Variants in ARMC3 observed in about 807,000 individuals in gnomAD.
The protein encoded by ARMC3 is armadillo repeat containing 3.
In ARMC3, 74 loss-of-function variants were observed where a neutral mutation model predicts 90.3. That is an observed-to-expected ratio of 0.82 (90% CI 0.68 to 0.99). The LOEUF is 0.99. Among genes scored for constraint, ARMC3 ranks in the 50% least tolerant of loss-of-function variants. ARMC3 has a pLI of 0.00. For missense variants in ARMC3, 958 were observed against 1,042.8 expected (o/e 0.92, Z 1.12); for synonymous variants, 334 against 361.8 (o/e 0.92, Z 0.87).
Position 22,998,381 on chromosome 10 carries a change from T to A in ARMC3, c.1409T>A (p.Val470Asp), listed in dbSNP as rs562344470. The A allele has an allele frequency of 5.0e-6, 8 of 1,614,156 alleles. No homozygotes were observed. Among genetic ancestry groups the A allele is most frequent in the Non-Finnish European group, 6.8e-6 (8 of 1,180,036 alleles). Residue 470 changes from valine (V) to aspartate (D), a missense_variant, in exon 11 of 19, where the codon GTT becomes GAT. Val to Asp is a radical substitution (Grantham distance 152). Transcript: ENST00000298032. ...GCTGTCACCGCAACTGCGTGTGACG[T>A]TGAAGCCCGGACTGAGGTGAGAATT... ...ALAVTATACD[V>D]EARTELRNSG...
At chr10:22,996,572 G>A (rs1836967352) in intron 10 of ARMC3, among the ~76,000 whole-genome samples, 1 of 152,218 alleles carries the variant, frequency 6.6e-6, no homozygotes, top group Admixed American at 6.5e-5. Flanking sequence ...GGGATGTGGT[G>A]TGTTTGATGG....
At chr10:22,951,889 G>A (rs1032974163) in intron 3 of ARMC3, among the ~76,000 whole-genome samples, 1 of 152,148 alleles carries the variant, frequency 6.6e-6, no homozygotes, top group African/African-American at 2.4e-5. Flanking sequence ...TCGGAACTTT[G>A]AGAGGCTGAG....
chr10:23,033,440 G>C (rs776507569), intron 18 of ARMC3, among the ~76,000 whole-genome samples: 9 of 152,136 alleles, frequency 5.9e-5, no homozygotes, highest in Non-Finnish European at 1.0e-4. Context: ...CCAGGTATGA[G>C]AGGCTGCACA....
Position 23,003,362 on chromosome 10 carries a change from G to C in ARMC3, c.1679G>C (p.Gly560Ala), listed in dbSNP as rs749455460. 2.5e-6 allele frequency: 4 copies of C among 1,612,002 alleles called. No individual in the cohort carries two copies. The highest frequency in any genetic ancestry group is 3.4e-6 in the Non-Finnish European group (4 of 1,179,118). Residue 560 changes from glycine to alanine, a missense_variant, in exon 13 of 19, where the codon GGC (glycine) becomes GCC (alanine). Physicochemically the swap from Gly to Ala is moderately conservative, Grantham distance 60. Transcript: ENST00000298032. ...CTTTCCCTGAAATACAGCCAGACTGGCTATTTGTCATCAAGTAACATAATT... is the reference window on the plus strand; with the variant it reads ...CTTTCCCTGAAATACAGCCAGACTGCCTATTTGTCATCAAGTAACATAATT... ...NNLSLKYSQT[G>A]YLSSSNIIND...
chr10:22,959,326 C>A, intron 5 of ARMC3, 73 bp from the exon 6 acceptor site: 1 of 1,462,434 alleles, frequency 6.8e-7, no homozygotes, highest in Non-Finnish European at 9.3e-7. Flanking sequence ...CTTTGGTTTC[C>A]AAAGCATATT....
chr10:22,984,140 T>C (rs568031366), intron 10 of ARMC3, among the ~76,000 whole-genome samples: 14 of 152,362 alleles, frequency 9.2e-5, no homozygotes, highest in African/African-American at 3.4e-4. Flanking sequence ...TTTTTAAAAA[T>C]GCACATAAGT....
intron 16 of ARMC3, among the ~76,000 whole-genome samples, chr10:23,015,362 G>A (rs544913447): frequency 2.4e-4 from 37 of 152,216 alleles, no homozygotes; most frequent in Admixed American, 1.6e-3. Context: ...AGTCTTCACC[G>A]AAACCAACAT....
At chr10:22,929,387 G>A (rs998876292) in intron 1 of ARMC3, among the ~76,000 whole-genome samples, 1 of 152,118 alleles carries the variant, frequency 6.6e-6, no homozygotes, top group Non-Finnish European at 1.5e-5. Context: ...ATCTTTGGGT[G>A]ATTTTTATTT....
At position 22,966,284 on chromosome 10, in the gene ARMC3, C is replaced by T. The variant is rs555617663; in HGVS notation, c.733-2022C>T. Among the ~76,000 whole-genome samples the T allele has an allele frequency of 3.1e-4, 47 of 152,350 alleles. No individual in the cohort carries two copies. In the South Asian group the frequency reaches 7.9e-3, roughly 26 times the overall value. ...TCTCAGGCTCTGACCTCTGACACCTCAGACCAGTAAGGCTTCAGCATTCTG... is the reference window on the plus strand; with the variant it reads ...TCTCAGGCTCTGACCTCTGACACCTTAGACCAGTAAGGCTTCAGCATTCTG... On this transcript the variant is annotated intron_variant, in intron 7 of 18. Transcript: ENST00000298032.
At chr10:23,021,001 CTCA>C (rs1261437317) in intron 16 of ARMC3, among the ~76,000 whole-genome samples, 1 of 152,092 alleles carries the variant, frequency 6.6e-6, no homozygotes, top group Non-Finnish European at 1.5e-5. Context: ...GTCTGTTATT[CTCA>C]TCTTTATGTC....
intron 16 of ARMC3, among the ~76,000 whole-genome samples, chr10:23,010,491 T>C (rs866821252): frequency 3.1e-5 from 1 of 32,532 alleles, no homozygotes; most frequent in South Asian, 1.6e-3. Context: ...CCCTCCTTCC[T>C]TTCCCTCCCC....
chr10:22,944,405 C>T (rs73600577), intron 2 of ARMC3, among the ~76,000 whole-genome samples: 5,515 of 152,282 alleles, frequency 0.036, 311 homozygotes, highest in African/African-American at 0.12. Context: ...CCTCCCTTCT[C>T]ATTGCCATCC....
intron 8 of ARMC3, among the ~76,000 whole-genome samples, chr10:22,978,516 G>T (rs557321321): frequency 1.3e-5 from 2 of 152,290 alleles, no homozygotes. Context: ...GATGAGATTT[G>T]TTTGGGGACA....
At position 22,998,229 on chromosome 10, in the gene ARMC3, T is replaced by C. The variant is rs749227097; in HGVS notation, c.1257T>C (p.Ala419=). 6.2e-7 allele frequency: 1 copy of C among 1,613,144 alleles called. No homozygotes were observed. Among genetic ancestry groups the C allele is most frequent in the Admixed American group, 1.7e-5 (1 of 59,916 alleles). Residue 419 remains alanine (A), a synonymous_variant, in exon 11 of 19, where the codon GCT becomes GCC. Transcript: ENST00000298032. ...SKRDGAIANA[A]TVLTNMAMQE... The stretch of plus-strand genomic sequence containing the variant: ...GAGATGGAGCCATTGCCAACGCTGC[T>C]ACAGTATTAACAAACATGGCCATGC...
chr10:23,024,495 G>C (rs1431715133), intron 16 of ARMC3, among the ~76,000 whole-genome samples: 1 of 152,074 alleles, frequency 6.6e-6, no homozygotes, highest in Non-Finnish European at 1.5e-5. Context: ...TTTGATGATT[G>C]AAACAAAATG....
At chr10:22,958,830 T>G (rs1187853952) in intron 4 of ARMC3, among the ~76,000 whole-genome samples, 2 of 152,144 alleles carry the variant, frequency 1.3e-5, no homozygotes, top group Non-Finnish European at 2.9e-5. Flanking sequence ...CAAGCGATTC[T>G]CCTGCCTCAG....
intron 8 of ARMC3, among the ~76,000 whole-genome samples, chr10:22,969,454 T>C (rs1465360859): frequency 2.0e-5 from 3 of 152,246 alleles, no homozygotes; most frequent in Non-Finnish European, 4.4e-5. Flanking sequence ...TATTGATATG[T>C]ATACTATGGG....
At chr10:23,014,534 A>G in intron 16 of ARMC3, 3 of 978,006 alleles carry the variant, frequency 3.1e-6, no homozygotes, top group Non-Finnish European at 3.7e-6. Flanking sequence ...ACAATAGCAA[A>G]GACATGGGAT....
At position 22,955,863 on chromosome 10, in the gene ARMC3, C is replaced by T. The variant is rs1300129797; in HGVS notation, c.223C>T (p.Leu75=). 4.3e-6 allele frequency: 7 copies of T among 1,613,808 alleles called. No homozygotes were observed. Among genetic ancestry groups the T allele is most frequent in the Middle Eastern group, 3.3e-4 (2 of 6,062 alleles). ...TGGAGCTGTGGAACCTTTAACTAAG[C>T]TACTCACCCATGAAGACAAAATTGT... ...ELGAVEPLTK[L]LTHEDKIVRR... is the part of the protein sequence containing the mutation. The change falls in exon 4 of 19, where the codon CTA becomes TTA. Residue 75 remains leucine, a synonymous_variant. Coordinates refer to ENST00000298032, the MANE Select transcript of ARMC3 (RefSeq NM_173081.5).
Sources: gnomAD v4.1 joint callset for allele counts (sites outside exome capture counted in the v4.1 genomes callset) on GRCh38, gnomAD v4.1.1 for gene constraint, MANE v1.5 for transcripts, NCBI Gene and HGNC (gene_info 2026-07-23, HGNC 2026-07-21) for gene names.